MAIP1: variants seen among roughly 807,000 people sequenced by gnomAD.
The protein encoded by MAIP1 is matrix AAA peptidase interacting protein 1.
MAIP1 carries 28 observed loss-of-function variants against 31.2 expected under a neutral mutation model. That is an observed-to-expected ratio of 0.90 (90% confidence interval 0.67 to 1.23). The LOEUF (loss-of-function observed/expected upper bound fraction) is 1.23, where lower values mean the gene tolerates loss of function less well. Among genes scored for constraint, MAIP1 ranks in the 50% most tolerant of loss-of-function variants. The pLI is 0.00. For missense variants in MAIP1, 339 were observed against 356.0 expected, an observed-to-expected ratio of 0.95 and a Z score of 0.38; for synonymous variants, 142 against 142.3, an observed-to-expected ratio of 1.00 and a Z score of 0.02.
chr2:199,956,103 C>A lies in MAIP1; in HGVS notation c.305C>A (p.Pro102His), dbSNP rs1392302412. 1 of 1,614,054 alleles carries A rather than the reference C, an allele frequency of 6.2e-7. No individual in the cohort carries two copies. The highest frequency in any genetic ancestry group is 1.7e-5 in the Admixed American group (1 of 60,004). Reference protein sequence around the residue: ...PQRSYSTEEKPQQHQKTKMIV... With the variant: ...PQRSYSTEEKHQQHQKTKMIV... ...CGCAGCTACAGCACGGAGGAGAAGC[C>A]CCAGCAGCACCAGAAAACCAAGATG... Residue 102 changes from proline (P) to histidine (H), a missense_variant, in exon 1 of 5, where the codon CCC becomes CAC. By Grantham distance (77) the Pro-to-His change is moderately conservative (BLOSUM62 -2). Coordinates refer to ENST00000392290, the MANE Select transcript of MAIP1 (RefSeq NM_001394955.1).
At chr2:199,956,324 G>C in intron 1 of MAIP1, 76 bp downstream of exon 1, 1 of 1,178,504 alleles carries the variant, frequency 8.5e-7, no homozygotes, top group Non-Finnish European at 1.2e-6. Context: ...TTAGCAGTGA[G>C]TTTTCTTCAC....
At chr2:199,956,908 CT>C (rs2105723514) in intron 1 of MAIP1, among the ~76,000 whole-genome samples, 1 of 152,306 alleles carries the variant, frequency 6.6e-6, no homozygotes, top group South Asian at 2.1e-4. Context: ...AATATTTAGC[CT>C]TTAGAGATTC....
At chr2:199,960,995 T>C (rs761952925) in intron 3 of MAIP1, among the ~76,000 whole-genome samples, 1 of 152,240 alleles carries the variant, frequency 6.6e-6, no homozygotes, top group Non-Finnish European at 1.5e-5. Flanking sequence ...AACTAATTTT[T>C]GCATCAGGAG....
In MAIP1 at chr2:199,961,805, T is replaced by G. The variant is rs774786100; in HGVS notation, c.674T>G (p.Met225Arg). ...EKGRKFVNILMCFWYLTSANI... is the reference protein window; with the variant it reads ...EKGRKFVNILRCFWYLTSANI... ...GGAAGGAAGTTTGTTAACATCCTGA[T>G]GTGCTTTTGGTATCTAACCAGTGCC... The change falls in exon 4 of 5, where the codon ATG becomes AGG. Residue 225 changes from methionine (M) to arginine (R), a missense_variant. Physicochemically the swap from Met to Arg is moderately conservative, Grantham distance 91. Coordinates refer to ENST00000392290, the MANE Select transcript of MAIP1 (RefSeq NM_001394955.1). 1.2e-6 allele frequency: 2 copies of G among 1,613,706 alleles called. No individual in the cohort carries two copies. Among genetic ancestry groups the G allele is most frequent in the South Asian group, 1.1e-5 (1 of 90,920 alleles).
At chr2:199,963,056 ATG>A (rs1374925304) in intron 4 of MAIP1, among the ~76,000 whole-genome samples, 2 of 152,050 alleles carry the variant, frequency 1.3e-5, no homozygotes, top group East Asian at 1.9e-4. Flanking sequence ...CTTAAAAGAA[ATG>A]TGTTTTTTTA....
intron 2 of MAIP1, 90 bp downstream of exon 2, chr2:199,959,429 A>T (rs2077624535): frequency 2.5e-6 from 2 of 798,630 alleles, no homozygotes; most frequent in Non-Finnish European, 4.4e-6. Context: ...GCTTAAAAAT[A>T]GTGTGTGTGC....
intron 3 of MAIP1, among the ~76,000 whole-genome samples, chr2:199,961,328 G>A (rs1574821435): frequency 6.6e-6 from 1 of 152,214 alleles, no homozygotes; most frequent in Admixed American, 6.5e-5. Context: ...GCCGGGCATG[G>A]TGGTGCGTGC....
At chr2:199,955,371 C>G (rs375482140), upstream of MAIP1, 15 of 1,611,578 alleles carry the variant, frequency 9.3e-6, no homozygotes, top group Middle Eastern at 1.7e-4. Flanking sequence ...TCTCGAGGTT[C>G]TGCCCCGCGC....
In MAIP1 at chr2:199,955,698, A is replaced by G; in HGVS notation, c.-101A>G. ...CACCAGAGGCTGCAGCAACAGGTCCACTTTGCTCTCCAGTCTCTTTCTCCG... is the reference window on the plus strand; with the variant it reads ...CACCAGAGGCTGCAGCAACAGGTCCGCTTTGCTCTCCAGTCTCTTTCTCCG... On this transcript the variant is annotated 5_prime_UTR_variant, in exon 1 of 5. Transcript: ENST00000392290. 3 of 1,247,076 alleles carry G rather than the reference A, an allele frequency of 2.4e-6. No individual in the cohort carries two copies. Among genetic ancestry groups the G allele is most frequent in the Middle Eastern group, 2.7e-4 (1 of 3,656 alleles). 77.3% of individuals were successfully genotyped at this position (1,247,076 alleles called of 1,614,324 possible).
intron 2 of MAIP1, 142 bp from the exon 3 acceptor site, chr2:199,959,612 C>G: frequency 1.5e-6 from 1 of 680,172 alleles, no homozygotes; most frequent in South Asian, 2.0e-5. Context: ...AGATACATTT[C>G]AGCCTTGCTT....
chr2:199,956,304 G>T, intron 1 of MAIP1, 56 bp downstream of exon 1: 4 of 1,378,768 alleles, frequency 2.9e-6, no homozygotes, highest in Non-Finnish European at 3.0e-6. Context: ...ACTATTGCTC[G>T]CAGAAGTGCT....
chr2:199,955,679 A>G lies in MAIP1; in HGVS notation c.-120A>G. 8.6e-7 allele frequency: 1 copy of G among 1,161,916 alleles called. No homozygotes were observed. The highest frequency in any genetic ancestry group is 1.6e-5 in the South Asian group (1 of 64,110). 72.0% of individuals were successfully genotyped at this position (1,161,916 alleles called of 1,614,324 possible). A position where few individuals can be genotyped will look rare whatever the true frequency, so the allele number is the denominator to read the frequency against. On this transcript the variant is annotated 5_prime_UTR_variant, in exon 1 of 5. Transcript: ENST00000392290. ...AGCGGGGACGGGGCCGACTCACCAG[A>G]GGCTGCAGCAACAGGTCCACTTTGC...
intron 4 of MAIP1, among the ~76,000 whole-genome samples, chr2:199,962,149 A>G (rs894286848): frequency 1.3e-5 from 2 of 152,252 alleles, no homozygotes; most frequent in African/African-American, 4.8e-5. Context: ...TTAGCTGTCT[A>G]TTGCTGCTTA....
rs56004438 is a variant in MAIP1 at position 199,957,378 on chromosome 2, C to T, written c.450+1130C>T. ...CTGCACTCCAGCCTGGGTGACAGAG[C>T]GAGACTCCGTCTCAAAAAACAAAAA... is the stretch of plus-strand genomic sequence containing the variant. On this transcript the variant is annotated intron_variant, in intron 1 of 4. Transcript: ENST00000392290. 9.7e-3 allele frequency among the ~76,000 whole-genome samples: 1,479 copies of T among 152,174 alleles called. 24 individuals are homozygous for T. The highest frequency in any genetic ancestry group is 0.034 in the African/African-American group (1,408 of 41,498).
upstream of MAIP1, chr2:199,955,528 C>T: frequency 2.5e-6 from 4 of 1,578,112 alleles, no homozygotes; most frequent in Non-Finnish European, 3.5e-6. Flanking sequence ...AAGCGTTCCT[C>T]AGCGCCATCC....
At chr2:199,962,553 T>C (rs1011616454) in intron 4 of MAIP1, among the ~76,000 whole-genome samples, 32 of 152,304 alleles carry the variant, frequency 2.1e-4, no homozygotes, top group African/African-American at 7.2e-4. Flanking sequence ...TCAAAGGATC[T>C]GTATAGTTTA....
chr2:199,956,158 C>G lies in MAIP1; in HGVS notation c.360C>G (p.Asn120Lys), dbSNP rs2077602128. 1 of 1,614,224 alleles carries G rather than the reference C, an allele frequency of 6.2e-7. No individual in the cohort carries two copies. The highest frequency in any genetic ancestry group is 8.5e-7 in the Non-Finnish European group (1 of 1,180,014). Residue 120 changes from asparagine to lysine, a missense_variant, in exon 1 of 5, where the codon AAC becomes AAG. Asn to Lys is a moderately conservative substitution (Grantham distance 94). Transcript: ENST00000392290. ...MIVLGFSNPI[N>K]WVRTRIKAFL... ...TCCTGGGATTCTCCAACCCCATCAACTGGGTTAGGACTCGAATTAAGGCCT... is the reference window on the plus strand; with the variant it reads ...TCCTGGGATTCTCCAACCCCATCAAGTGGGTTAGGACTCGAATTAAGGCCT...
chr2:199,959,119 C>A, intron 1 of MAIP1, 149 bp from the exon 2 acceptor site: 1 of 557,324 alleles, frequency 1.8e-6, no homozygotes, highest in Non-Finnish European at 3.2e-6. Context: ...AAAAGTCAAC[C>A]AAGAGTCATG....
intron 1 of MAIP1, among the ~76,000 whole-genome samples, chr2:199,958,841 G>A (rs758713404): frequency 6.6e-6 from 1 of 152,124 alleles, no homozygotes; most frequent in Non-Finnish European, 1.5e-5. Flanking sequence ...CTCCCATACT[G>A]AGATTCAGAC....
Sources: gnomAD v4.1 joint callset for allele counts (sites outside exome capture counted in the v4.1 genomes callset) on GRCh38, gnomAD v4.1.1 for gene constraint, MANE v1.5 for transcripts, NCBI Gene and HGNC (gene_info 2026-07-23, HGNC 2026-07-21) for gene names.